The following WWOX variants were observed in gnomAD, a reference collection of about 807,000 sequenced individuals.
WWOX encodes WW domain containing oxidoreductase.
Under a neutral mutation model 46.2 loss-of-function variants are expected in WWOX, and 69 were observed. That is an observed-to-expected ratio of 1.49 (90% CI 1.23 to 1.82). The LOEUF is 1.82. WWOX is among the 40% of genes most tolerant of loss of function. The probability of loss-of-function intolerance (pLI) is 0.00; values close to 1 mark genes in which losing one functional copy is unlikely to be tolerated. For synonymous variants in WWOX, 359 were observed against 202.6 expected (o/e 1.77, Z -6.56); for missense variants, 919 against 542.6 (o/e 1.69, Z -6.89).
At chr16:78,881,150 G>A (rs1369645520) in intron 8 of WWOX, among the ~76,000 whole-genome samples, 3 of 151,788 alleles carry the variant, frequency 2.0e-5, no homozygotes, top group Non-Finnish European at 4.4e-5. Context: ...ACACCACCAT[G>A]CCTGCCCAAT....
At chr16:78,917,330 G>T (rs563201634) in intron 8 of WWOX, among the ~76,000 whole-genome samples, 1 of 152,160 alleles carries the variant, frequency 6.6e-6, no homozygotes, top group South Asian at 2.1e-4. Flanking sequence ...GTTCTGTGGT[G>T]TCCCACACTC....
At chr16:78,935,828 C>G (rs932420663) in intron 8 of WWOX, among the ~76,000 whole-genome samples, 1 of 152,098 alleles carries the variant, frequency 6.6e-6, no homozygotes, top group Non-Finnish European at 1.5e-5. Flanking sequence ...GGGAGGATCA[C>G]TTCAGCTCAG....
intron 8 of WWOX, among the ~76,000 whole-genome samples, chr16:78,835,050 G>A (rs1380950998): frequency 6.6e-6 from 1 of 152,048 alleles, no homozygotes; most frequent in Non-Finnish European, 1.5e-5. Flanking sequence ...GGTTTGGAGG[G>A]CGTTAGTGTG....
chr16:78,589,488 C>T (rs1020027389), intron 8 of WWOX, among the ~76,000 whole-genome samples: 2 of 152,150 alleles, frequency 1.3e-5, no homozygotes, highest in Admixed American at 6.6e-5. Flanking sequence ...CTCTTTTCCT[C>T]ATCATCTCAG....
intron 8 of WWOX, among the ~76,000 whole-genome samples, chr16:79,117,434 A>G (rs980058809): frequency 8.5e-5 from 13 of 152,192 alleles, no homozygotes; most frequent in African/African-American, 3.1e-4. Flanking sequence ...TATTCCATTT[A>G]TAGAGCACAG....
chr16:78,622,730 T>A (rs2046219648), intron 8 of WWOX, among the ~76,000 whole-genome samples: 1 of 152,100 alleles, frequency 6.6e-6, no homozygotes, highest in South Asian at 2.1e-4. Flanking sequence ...GATAATAGGA[T>A]GTAACTGTTT....
chr16:78,354,827 A>C (rs1392013030), intron 5 of WWOX, among the ~76,000 whole-genome samples: 1 of 152,132 alleles, frequency 6.6e-6, no homozygotes, highest in Non-Finnish European at 1.5e-5. Flanking sequence ...TTAAATTTTC[A>C]TATATCATCA....
At chr16:78,926,342 C>G (rs2045497336) in intron 8 of WWOX, among the ~76,000 whole-genome samples, 1 of 148,750 alleles carries the variant, frequency 6.7e-6, no homozygotes, top group Non-Finnish European at 1.5e-5. Context: ...CATTGCATTT[C>G]AGCGTGGGTG....
intron 8 of WWOX, among the ~76,000 whole-genome samples, chr16:78,575,089 A>T (rs1295714986): frequency 2.0e-5 from 1 of 50,174 alleles, no homozygotes; most frequent in Non-Finnish European, 3.9e-5. Flanking sequence ...ATATATATAT[A>T]TATATATTTA....
At chr16:78,459,106 C>G (rs1240537732) in intron 8 of WWOX, among the ~76,000 whole-genome samples, 2 of 152,156 alleles carry the variant, frequency 1.3e-5, no homozygotes, top group East Asian at 1.9e-4. Flanking sequence ...CAAGGGCCTT[C>G]TGTGTGAAGA....
intron 8 of WWOX, among the ~76,000 whole-genome samples, chr16:78,469,990 A>T (rs991155388): frequency 2.0e-5 from 3 of 152,236 alleles, no homozygotes; most frequent in Non-Finnish European, 2.9e-5. Context: ...CTGCTATAAC[A>T]AATAAGCACG....
At chr16:78,719,376 A>G (rs1216441155) in intron 8 of WWOX, among the ~76,000 whole-genome samples, 1 of 152,222 alleles carries the variant, frequency 6.6e-6, no homozygotes, top group African/African-American at 2.4e-5. Flanking sequence ...CTGTCAGGTG[A>G]TGTGGGATCC....
At chr16:78,655,966 C>G (rs1349294116) in intron 8 of WWOX, among the ~76,000 whole-genome samples, 1 of 152,080 alleles carries the variant, frequency 6.6e-6, no homozygotes, top group African/African-American at 2.4e-5. Context: ...GGGGAGAAGC[C>G]TTGGTTTTGC....
At chr16:78,172,538 C>G (rs1281779845) in intron 5 of WWOX, among the ~76,000 whole-genome samples, 1 of 151,612 alleles carries the variant, frequency 6.6e-6, no homozygotes, top group Non-Finnish European at 1.5e-5. Context: ...TTTGCACCGA[C>G]TTAGTCTTGA....
At chr16:78,937,176 C>T (rs929344572) in intron 8 of WWOX, among the ~76,000 whole-genome samples, 3 of 152,066 alleles carry the variant, frequency 2.0e-5, no homozygotes, top group African/African-American at 4.8e-5. Context: ...GAGGAACATA[C>T]ATATGGATTT....
In WWOX at chr16:79,058,036, G is replaced by A. The variant is rs537995316; in HGVS notation, c.1057-153572G>A. Among the ~76,000 whole-genome samples, 73 of 150,270 alleles carry A rather than the reference G, an allele frequency of 4.9e-4. No homozygotes were observed. The South Asian group carries it at 0.015, about 31-fold the overall frequency. Reference sequence around the variant, plus strand: ...ATTGCGAATCTCACTGCATAAAGGTGATTTTGAAAACATCACTTTTCCTCC... The same window carrying A: ...ATTGCGAATCTCACTGCATAAAGGTAATTTTGAAAACATCACTTTTCCTCC... On this transcript the variant is annotated intron_variant, in intron 8 of 8. Transcript: ENST00000566780.
intron 8 of WWOX, among the ~76,000 whole-genome samples, chr16:78,874,779 C>G (rs780984966): frequency 2.8e-5 from 4 of 142,848 alleles, no homozygotes; most frequent in African/African-American, 7.8e-5. Context: ...CAAGCATAAC[C>G]TCCTACACAG....
At chr16:78,885,687 T>G (rs182291285) in intron 8 of WWOX, among the ~76,000 whole-genome samples, 18 of 152,262 alleles carry the variant, frequency 1.2e-4, no homozygotes, top group African/African-American at 4.1e-4. Context: ...GCAGTTTCCA[T>G]AGGGATAACT....
At chr16:79,129,545 C>T (rs1307975150) in intron 8 of WWOX, among the ~76,000 whole-genome samples, 1 of 151,626 alleles carries the variant, frequency 6.6e-6, no homozygotes, top group Non-Finnish European at 1.5e-5. Context: ...CGAAAGACTG[C>T]TGTATTTATG....
Sources: allele counts gnomAD v4.1 joint callset (sites outside exome capture counted in the v4.1 genomes callset), GRCh38; gene constraint gnomAD v4.1.1; transcripts MANE v1.5; gene names NCBI Gene and HGNC (gene_info 2026-07-23, HGNC 2026-07-21).